NFASC: variants seen among roughly 807,000 people sequenced by gnomAD.
NFASC encodes the protein neurofascin homolog.
In NFASC, 43 loss-of-function variants were observed where a neutral mutation model predicts 147.5. The observed-to-expected ratio is 0.29, with a 90% confidence interval of 0.23 to 0.38. The LOEUF is 0.38. Ranked by LOEUF, NFASC falls within the 10% of genes least tolerant of loss-of-function variation. NFASC has a pLI of 1.00. For missense variants in NFASC, 1,320 were observed against 1,689.0 expected, an observed-to-expected ratio of 0.78 and a Z score of 3.83; for synonymous variants, 622 against 665.5, an observed-to-expected ratio of 0.93 and a Z score of 1.01.
intron 24 of NFASC, among the ~76,000 whole-genome samples, chr1:204,996,813 A>G (rs913420528): frequency 9.2e-5 from 14 of 152,148 alleles, no homozygotes; most frequent in Admixed American, 1.3e-4. Flanking sequence ...TCTGGGTGGC[A>G]TCTGGCCAGT....
chr1:204,922,334 A>G (rs1473913195), intron 2 of NFASC, among the ~76,000 whole-genome samples: 1 of 152,144 alleles, frequency 6.6e-6, no homozygotes, highest in Non-Finnish European at 1.5e-5. Flanking sequence ...ACTGTCCGAC[A>G]GCAGATATGG....
intron 8 of NFASC, among the ~76,000 whole-genome samples, chr1:204,964,905 G>T (rs16854826): frequency 6.6e-6 from 1 of 152,158 alleles, no homozygotes; most frequent in Non-Finnish European, 1.5e-5. Flanking sequence ...CAAAAGAGAT[G>T]ATCAAGAGGC....
Position 204,979,765 on chromosome 1 carries a change from T to A in NFASC, c.2176+206T>A, listed in dbSNP as rs2095477194. Among the ~76,000 whole-genome samples the A allele has an allele frequency of 1.3e-5, 2 of 152,256 alleles. No individual in the cohort carries two copies. Among genetic ancestry groups the A allele is most frequent in the Non-Finnish European group, 2.9e-5 (2 of 68,050 alleles). On this transcript the variant is annotated intron_variant, in intron 19 of 29. Transcript: ENST00000339876. This position sits in a 1 kb window ranked among gnomAD's most constrained non-coding sequence, Gnocchi z 6.0. ...AATGTGTGCCAGGTACTTACTATGA[T>A]GCCTGGCATGTAGTGAGCACATGAT...
chr1:204,838,073 C>A (rs576296437), intron 1 of NFASC, among the ~76,000 whole-genome samples: 1 of 152,140 alleles, frequency 6.6e-6, no homozygotes, highest in Non-Finnish European at 1.5e-5. Context: ...CCCAGAACAC[C>A]GTACTCATTA....
chr1:204,987,558 C>G lies in NFASC; in HGVS notation c.2593+18C>G. On this transcript the variant is annotated intron_variant, in intron 22 of 29. Coordinates refer to ENST00000339876, the MANE Select transcript of NFASC (RefSeq NM_001005388.3). The surrounding 1 kb of genome is among the most constrained non-coding windows in gnomAD (Gnocchi z 4.4). ...TGTGGCCTGTACGTTCTGCCCTTCC[C>G]TTTCTCTTAGATAATCTGGGAACCA... 6.2e-7 allele frequency: 1 copy of G among 1,613,896 alleles called. No individual in the cohort carries two copies. The highest frequency in any genetic ancestry group is 1.3e-5 in the African/African-American group (1 of 75,032).
At chr1:204,871,482 T>C (rs1005400900) in intron 1 of NFASC, among the ~76,000 whole-genome samples, 4 of 152,192 alleles carry the variant, frequency 2.6e-5, no homozygotes, top group Non-Finnish European at 4.4e-5. Flanking sequence ...GTTGTGCGTC[T>C]AATTGTGAAG....
intron 27 of NFASC, among the ~76,000 whole-genome samples, chr1:205,006,607 G>A (rs2802841): frequency 0.33 from 49,904 of 152,076 alleles, 10,494 homozygotes; most frequent in Non-Finnish European, 0.48. Flanking sequence ...AATGAAAGGT[G>A]GCACCATTGG....
At position 204,850,660 on chromosome 1, in the gene NFASC, G is replaced by A. The variant is rs997313697; in HGVS notation, c.-200+21878G>A. 3.3e-5 allele frequency among the ~76,000 whole-genome samples: 5 copies of A among 152,186 alleles called. No individual in the cohort carries two copies. In the South Asian group the frequency reaches 6.2e-4, roughly 19 times the overall value. ...CTTTGTGCGCTCTGTCTCCTGCTCC[G>A]CCATGGTAAGACGCGCTTGCTTCCT... On this transcript the variant is annotated intron_variant, in intron 1 of 29. Transcript: ENST00000339876.
intron 2 of NFASC, among the ~76,000 whole-genome samples, chr1:204,922,472 G>C (rs2090683399): frequency 6.6e-6 from 1 of 152,132 alleles, no homozygotes; most frequent in African/African-American, 2.4e-5. Context: ...CCTTTTAATA[G>C]TGTTTCCATT....
rs917274668 is a variant in NFASC, at chr1:204,979,653, T to C, written c.2176+94T>C. On this transcript the variant is annotated intron_variant, in intron 19 of 29. Coordinates refer to ENST00000339876, the MANE Select transcript of NFASC (RefSeq NM_001005388.3). This position sits in a 1 kb window ranked among gnomAD's most constrained non-coding sequence, Gnocchi z 6.0. ...CATTCCCAGCCATGTGAACTTAGGT[T>C]ACTTAACTTCTCCAAGGCCCGGCCT... 4 of 1,199,776 alleles carry C rather than the reference T, an allele frequency of 3.3e-6. No homozygotes were observed. The African/African-American group carries it at 6.0e-5, about 18-fold the overall frequency. The allele number at this position is 1,199,776 out of a possible 1,614,324, so 74.3% of individuals were successfully genotyped here.
In NFASC at chr1:205,015,095, C is replaced by G. The variant is rs775320631; in HGVS notation, c.3492-1213C>G. ...CACAGCCCCGGCTCTGGCTCGCTGC[C>G]CTCACCTGACAGCTGTCTTTGCCCG... On this transcript the variant is annotated intron_variant, in intron 29 of 29. Transcript: ENST00000339876. This position sits in a 1 kb window ranked among gnomAD's most constrained non-coding sequence, Gnocchi z 4.0. 2.6e-5 allele frequency among the ~76,000 whole-genome samples: 4 copies of G among 152,172 alleles called. No homozygotes were observed. The highest frequency in any genetic ancestry group is 5.9e-5 in the Non-Finnish European group (4 of 68,042).
chr1:204,832,333 C>G (rs1438911949), intron 1 of NFASC, among the ~76,000 whole-genome samples: 1 of 152,132 alleles, frequency 6.6e-6, no homozygotes, highest in African/African-American at 2.4e-5. Context: ...GAAAGAGGCT[C>G]TGGGAGCTAC....
rs1042627660 is a variant in NFASC, at chr1:204,998,892, C to T, written c.3019+1486C>T. The T allele has an allele frequency of 2.0e-5, 3 of 152,220 alleles. No homozygotes were observed. In the East Asian group the frequency reaches 5.8e-4, roughly 29 times the overall value. 9.4% of individuals were successfully genotyped at this position (152,220 alleles called of 1,614,324 possible). ...GGACCAGCCCCTCCAGAGTCTCACT[C>T]CTCAAGTTCTGTGAGACGCTGCAGA... On this transcript the variant is annotated intron_variant, in intron 25 of 29. Transcript: ENST00000339876.
chr1:204,934,611 C>T (rs756287795), intron 2 of NFASC, among the ~76,000 whole-genome samples: 1 of 152,242 alleles, frequency 6.6e-6, no homozygotes, highest in Non-Finnish European at 1.5e-5. Flanking sequence ...CCACCCCCAA[C>T]AGCTCCAGCC....
At chr1:204,839,137 T>C (rs985607553) in intron 1 of NFASC, among the ~76,000 whole-genome samples, 4 of 152,186 alleles carry the variant, frequency 2.6e-5, no homozygotes, top group Non-Finnish European at 4.4e-5. Flanking sequence ...TCCAATAGAA[T>C]CTCAATGTGC....
chr1:204,900,045 A>G (rs924296327), intron 1 of NFASC, among the ~76,000 whole-genome samples: 31 of 152,242 alleles, frequency 2.0e-4, no homozygotes, highest in African/African-American at 7.5e-4. Context: ...AAAGCATTTA[A>G]TAACCAGTGT....
In NFASC at chr1:204,842,364, G is replaced by C. The variant is rs76610813; in HGVS notation, c.-200+13582G>C. Among the ~76,000 whole-genome samples, 532 of 152,296 alleles carry C rather than the reference G, an allele frequency of 3.5e-3. 19 individuals are homozygous for C. Among genetic ancestry groups the C allele is most frequent in the Admixed American group, 0.027 (406 of 15,304 alleles). On this transcript the variant is annotated intron_variant, in intron 1 of 29. Transcript: ENST00000339876. ...ATGAATTGTTCAAAGTTTACTTAAA[G>C]TACAGAGTGTTTAAGCACTGTATTG...
intron 1 of NFASC, among the ~76,000 whole-genome samples, chr1:204,845,851 A>G (rs764168647): frequency 1.1e-4 from 17 of 152,110 alleles, no homozygotes; most frequent in Non-Finnish European, 1.8e-4. Context: ...ACAGCGAGCT[A>G]TGATTGCACC....
At chr1:204,905,132 T>A (rs77796375) in intron 1 of NFASC, among the ~76,000 whole-genome samples, 6,777 of 152,250 alleles carry the variant, frequency 0.045, 507 homozygotes, top group African/African-American at 0.15. Flanking sequence ...TTGCCCAGGC[T>A]GGAGTGCAGT....
Sources: allele counts gnomAD v4.1 joint callset (sites outside exome capture counted in the v4.1 genomes callset), GRCh38; gene constraint gnomAD v4.1.1; non-coding constraint Gnocchi (gnomAD v3.1); transcripts MANE v1.5; gene names NCBI Gene and HGNC (gene_info 2026-07-23, HGNC 2026-07-21).